Variants in YAF2 observed in about 807,000 individuals in gnomAD.
The protein encoded by YAF2 is YY1 associated factor 2, also known as YY1-associated factor 2.
A neutral mutation model predicts 20.1 loss-of-function variants in YAF2; 7 were observed. The ratio of observed to expected loss-of-function variants is 0.35; its 90% CI spans 0.20 to 0.65. The LOEUF (loss-of-function observed/expected upper bound fraction) is 0.65, where lower values mean the gene tolerates loss of function less well. Among genes scored for constraint, YAF2 ranks in the 30% least tolerant of loss-of-function variants. YAF2 has a pLI of 0.69. For missense variants in YAF2, 151 were observed against 219.2 expected (o/e 0.69, Z 1.96); for synonymous variants, 74 against 76.0 (o/e 0.97, Z 0.14).
chr12:42,234,820 T>G (rs1235385829), intron 2 of YAF2: 11 of 779,254 alleles, frequency 1.4e-5, no homozygotes, highest in African/African-American at 1.9e-5. Context: ...ATCCCCCATC[T>G]CTACAAAAAA....
chr12:42,196,227 G>GAAAAAAA (rs34267272), intron 2 of YAF2, among the ~76,000 whole-genome samples: 1 of 74,508 alleles, frequency 1.3e-5, no homozygotes, highest in Non-Finnish European at 2.5e-5. Flanking sequence ...AATCCATCTG[G>GAAAAAAA]AAAAAAAAAA....
chr12:42,211,590 CA>C (rs1166645654), intron 2 of YAF2, among the ~76,000 whole-genome samples: 1 of 151,102 alleles, frequency 6.6e-6, no homozygotes, highest in Non-Finnish European at 1.5e-5. Flanking sequence ...ACTAAAAATA[CA>C]AAAAGTAGCC....
At chr12:42,189,419 T>C (rs1036830833) in intron 2 of YAF2, among the ~76,000 whole-genome samples, 4 of 152,212 alleles carry the variant, frequency 2.6e-5, no homozygotes, top group Non-Finnish European at 5.9e-5. Flanking sequence ...TGAAATGTAC[T>C]ATAATTAAAG....
At chr12:42,227,132 G>C (rs1263726594) in intron 2 of YAF2, among the ~76,000 whole-genome samples, 2 of 145,834 alleles carry the variant, frequency 1.4e-5, no homozygotes, top group Admixed American at 6.8e-5. Flanking sequence ...TTGCCGCCGC[G>C]CCGGCGAGCG....
In YAF2 at chr12:42,238,218, G is replaced by A; in HGVS notation, c.-38C>T. The A allele has an allele frequency of 1.5e-6, 2 of 1,316,282 alleles. No individual in the cohort carries two copies. The highest frequency in any genetic ancestry group is 2.0e-6 in the Non-Finnish European group (2 of 1,004,010). The allele number at this position is 1,316,282 out of a possible 1,614,324, so 81.5% of individuals were successfully genotyped here. On this transcript the variant is annotated 5_prime_UTR_variant, in exon 1 of 4. Coordinates refer to ENST00000534854, the MANE Select transcript of YAF2 (RefSeq NM_005748.6). ...ACCGCACGCCGAGAGTCGCCGCCGC[G>A]ACCGCTCTGTTTGTCAATAAGGAGG...
chr12:42,192,448 G>T (rs978310457), intron 2 of YAF2, among the ~76,000 whole-genome samples: 1 of 152,196 alleles, frequency 6.6e-6, no homozygotes, highest in Non-Finnish European at 1.5e-5. Flanking sequence ...GGTCAAGGCT[G>T]CAGTGAGCTG....
At chr12:42,202,254 TACTTC>T (rs2066920202) in intron 2 of YAF2, among the ~76,000 whole-genome samples, 1 of 152,230 alleles carries the variant, frequency 6.6e-6, no homozygotes, top group South Asian at 2.1e-4. Flanking sequence ...ACTAATACTA[TACTTC>T]AAGTGCCATA....
chr12:42,166,634 G>A (rs896103354), intron 2 of YAF2, among the ~76,000 whole-genome samples: 5 of 152,120 alleles, frequency 3.3e-5, no homozygotes, highest in Non-Finnish European at 7.4e-5. Flanking sequence ...CAAGGATATT[G>A]TCATCTGAAG....
intron 2 of YAF2, among the ~76,000 whole-genome samples, chr12:42,185,463 G>A (rs1218354010): frequency 1.3e-5 from 2 of 152,218 alleles, no homozygotes; most frequent in African/African-American, 4.8e-5. Context: ...AAGTTTTGCT[G>A]TGAGTAAAAT....
At chr12:42,198,796 G>T (rs712123) in intron 2 of YAF2, among the ~76,000 whole-genome samples, 1 of 151,374 alleles carries the variant, frequency 6.6e-6, no homozygotes, top group Admixed American at 6.6e-5. Flanking sequence ...CATCTGAGGT[G>T]CCTTTATTGA....
In YAF2 at chr12:42,162,976, G is replaced by T. The variant is rs375939291; in HGVS notation, c.153-1211C>A. ...GAAAGTATGGTAGTTAATGGCTGAG[G>T]TTAAAAAAGAAAAGGGTTAAGGTGG... On this transcript the variant is annotated intron_variant, in intron 2 of 3. Coordinates refer to ENST00000534854, the MANE Select transcript of YAF2 (RefSeq NM_005748.6). Among the ~76,000 whole-genome samples the T allele has an allele frequency of 3.3e-5, 5 of 152,242 alleles. No homozygotes were observed. In the East Asian group the frequency reaches 9.6e-4, roughly 29 times the overall value.
At chr12:42,223,327 T>TACAC (rs548568577) in intron 2 of YAF2, among the ~76,000 whole-genome samples, 2 of 131,704 alleles carry the variant, frequency 1.5e-5, no homozygotes, top group African/African-American at 5.8e-5. Flanking sequence ...TTCTTTAAAA[T>TACAC]ACATACACAC....
At chr12:42,229,802 G>T (rs1331275528) in intron 2 of YAF2, among the ~76,000 whole-genome samples, 3 of 152,160 alleles carry the variant, frequency 2.0e-5, no homozygotes, top group African/African-American at 7.2e-5. Context: ...GTAAGTATTT[G>T]TATCTAAACA....
intron 2 of YAF2, among the ~76,000 whole-genome samples, chr12:42,201,820 C>T (rs563661374): frequency 6.6e-6 from 1 of 152,144 alleles, no homozygotes; most frequent in African/African-American, 2.4e-5. Context: ...GAACCATCTG[C>T]CTTGGTCTCC....
At chr12:42,229,422 A>T (rs898894866) in intron 2 of YAF2, among the ~76,000 whole-genome samples, 8 of 34,412 alleles carry the variant, frequency 2.3e-4, no homozygotes, top group African/African-American at 7.1e-4. Flanking sequence ...AAAATAAATT[A>T]AAAAAAAAAA....
intron 2 of YAF2, among the ~76,000 whole-genome samples, chr12:42,236,602 G>T (rs2068165635): frequency 6.6e-6 from 1 of 152,044 alleles, no homozygotes; most frequent in African/African-American, 2.4e-5. Context: ...TCATTTTTTA[G>T]AAATCTAACG....
chr12:42,207,608 G>GT lies in YAF2; in HGVS notation c.152+29990dup, dbSNP rs1268339396. 9.9e-5 allele frequency among the ~76,000 whole-genome samples: 15 copies of GT among 152,228 alleles called. No individual in the cohort carries two copies. The East Asian group carries it at 2.9e-3, about 29-fold the overall frequency. ...TTTATACATTAAAAAACTGGTAAGT[G>GT]TAGGCTGGGCACGGTGGCTCATGCC... On this transcript the variant is annotated intron_variant, in intron 2 of 3. Coordinates refer to ENST00000534854, the MANE Select transcript of YAF2 (RefSeq NM_005748.6).
intron 2 of YAF2, among the ~76,000 whole-genome samples, chr12:42,169,995 A>G (rs1178981768): frequency 6.6e-6 from 1 of 151,726 alleles, no homozygotes; most frequent in African/African-American, 2.4e-5. Context: ...CTCAGCCTCC[A>G]AAGTAACTGG....
At chr12:42,234,158 A>C in intron 2 of YAF2, 2 of 959,636 alleles carry the variant, frequency 2.1e-6, no homozygotes, top group Non-Finnish European at 2.5e-6. Context: ...GCGACAGAGC[A>C]AGACTGTCTC....
Sources: gnomAD v4.1 joint callset for allele counts (sites outside exome capture counted in the v4.1 genomes callset) on GRCh38, gnomAD v4.1.1 for gene constraint, MANE v1.5 for transcripts, NCBI Gene and HGNC (gene_info 2026-07-23, HGNC 2026-07-21) for gene names.